PLSCR2: variants seen among roughly 807,000 people sequenced by gnomAD.
PLSCR2 encodes the protein PL scramblase 2.
In PLSCR2, 18 loss-of-function variants were observed where a neutral mutation model predicts 25.3. The ratio of observed to expected loss-of-function variants is 0.71; its 90% CI spans 0.49 to 1.06. The LOEUF (loss-of-function observed/expected upper bound fraction) is 1.06. Among genes scored for constraint, PLSCR2 ranks in the 50% least tolerant of loss-of-function variants. The pLI, the probability that PLSCR2 is intolerant of heterozygous loss-of-function variation, is 0.00. For synonymous variants in PLSCR2, 88 were observed against 87.3 expected (o/e 1.01, Z -0.04); for missense variants, 243 against 269.5 (o/e 0.90, Z 0.69).
chr3:146,458,560 A>G (rs2041357784), intron 2 of PLSCR2, 107 bp from the exon 3 acceptor site: 1 of 725,244 alleles, frequency 1.4e-6, no homozygotes, highest in African/African-American at 1.9e-5. Context: ...ATCGACATTT[A>G]TCAATATCAA....
At chr3:146,441,790 C>A (rs1159515855) in exon 7 of PLSCR2, 6 of 1,591,392 alleles carry the variant, frequency 3.8e-6, no homozygotes, top group South Asian at 1.1e-5. Context: ...ACATTCCAGT[C>A]ATTACCTAGT....
At chr3:146,415,978 T>C (rs1439275779) in intron 2 of PLSCR2, among the ~76,000 whole-genome samples, 2 of 152,062 alleles carry the variant, frequency 1.3e-5, no homozygotes, top group Admixed American at 1.3e-4. Context: ...TGAGACAGAG[T>C]CTAGCTCTGT....
At chr3:146,469,557 C>T in intron 1 of PLSCR2, 2 of 985,428 alleles carry the variant, frequency 2.0e-6, no homozygotes, top group Non-Finnish European at 2.4e-6. Flanking sequence ...GGCTTCCTCC[C>T]GTCTGCCCCG....
intron 2 of PLSCR2, among the ~76,000 whole-genome samples, chr3:146,399,486 T>C (rs1049282651): frequency 7.9e-5 from 12 of 151,900 alleles, no homozygotes; most frequent in Non-Finnish European, 4.4e-5. Context: ...ATGCTGTATT[T>C]ATGTAATACA....
downstream of PLSCR2, among the ~76,000 whole-genome samples, chr3:146,431,889 T>A (rs1479419077): frequency 5.3e-5 from 8 of 151,892 alleles, no homozygotes. Flanking sequence ...GACTTTATTA[T>A]CTTCTTTCCT....
chr3:146,403,050 C>T (rs1163675182), intron 2 of PLSCR2, among the ~76,000 whole-genome samples: 2 of 152,012 alleles, frequency 1.3e-5, no homozygotes, highest in Non-Finnish European at 2.9e-5. Context: ...ATAATTTATT[C>T]TTCCAGCCCT....
chr3:146,394,969 C>A (rs981741517), intron 3 of PLSCR2, among the ~76,000 whole-genome samples: 2 of 152,182 alleles, frequency 1.3e-5, no homozygotes, highest in African/African-American at 4.8e-5. Context: ...GGAAAAGGTG[C>A]CTGCTTCCCC....
At chr3:146,450,105 G>C (rs1217417397) in intron 5 of PLSCR2, among the ~76,000 whole-genome samples, 1 of 152,188 alleles carries the variant, frequency 6.6e-6, no homozygotes, top group Non-Finnish European at 1.5e-5. Flanking sequence ...TGAAAAGTGT[G>C]TGCTCAGACA....
intron 1 of PLSCR2, among the ~76,000 whole-genome samples, chr3:146,492,503 A>G (rs757890981): frequency 1.3e-5 from 2 of 152,186 alleles, no homozygotes; most frequent in Non-Finnish European, 2.9e-5. Flanking sequence ...GATATATCCA[A>G]ACCATACAAT....
intron 1 of PLSCR2, among the ~76,000 whole-genome samples, chr3:146,476,595 A>T (rs2042292742): frequency 6.6e-6 from 1 of 152,248 alleles, no homozygotes. Flanking sequence ...CCCTCACTGC[A>T]GCTGCTAGCT....
At chr3:146,406,886 G>A (rs747574599) in intron 2 of PLSCR2, among the ~76,000 whole-genome samples, 1 of 152,114 alleles carries the variant, frequency 6.6e-6, no homozygotes, top group African/African-American at 2.4e-5. Context: ...GGATTGGGAT[G>A]GGTTCCTCGA....
In PLSCR2 at chr3:146,460,131, T is replaced by C. The variant is rs766308420; in HGVS notation, c.-180+41A>G. 44 of 1,422,850 alleles carry C rather than the reference T, an allele frequency of 3.1e-5. No individual in the cohort carries two copies. In the Admixed American group the frequency reaches 1.0e-3, roughly 33 times the overall value. 88.1% of individuals were successfully genotyped at this position (1,422,850 alleles called of 1,614,324 possible). ...AATTTGTAGCTGCCCAGAAAAGTCA[T>C]CAATCCTTTTTAGAATAACCCCAGT... On this transcript the variant is annotated intron_variant, in intron 1 of 6. Coordinates refer to ENST00000610787, the Ensembl canonical transcript of PLSCR2.
intron 2 of PLSCR2, among the ~76,000 whole-genome samples, chr3:146,423,819 AGGT>A (rs1201807004): frequency 6.6e-6 from 1 of 152,078 alleles, no homozygotes; most frequent in East Asian, 1.9e-4. Flanking sequence ...CAAGAAACAG[AGGT>A]GGTCTCTAAA....
rs924598063 is a variant in PLSCR2, at chr3:146,469,365, G to T, written c.-292-9081C>A. On this transcript the variant is annotated intron_variant, in intron 1 of 8. Transcript: ENST00000336685. ...GAGTTTCCGTTCCACTTCAGGTGTC[G>T]CTTCCCGCGGCCCATTGGGCCCTTG... 6 of 960,302 alleles carry T rather than the reference G, an allele frequency of 6.2e-6. No homozygotes were observed. The African/African-American group carries it at 1.1e-4, about 17-fold the overall frequency. 59.5% of individuals were successfully genotyped at this position (960,302 alleles called of 1,614,324 possible).
At chr3:146,473,362 T>C (rs2042182000) in intron 1 of PLSCR2, among the ~76,000 whole-genome samples, 1 of 146,480 alleles carries the variant, frequency 6.8e-6, no homozygotes, top group South Asian at 2.2e-4. Flanking sequence ...TGGAGTGCAA[T>C]GGCACGATCT....
At chr3:146,444,648 G>A (rs2040440345) in intron 6 of PLSCR2, among the ~76,000 whole-genome samples, 1 of 151,768 alleles carries the variant, frequency 6.6e-6, no homozygotes, top group African/African-American at 2.4e-5. Flanking sequence ...TGTCTTTAGA[G>A]GTGAAGTGTG....
downstream of PLSCR2, among the ~76,000 whole-genome samples, chr3:146,438,913 C>T (rs140613258): frequency 0.042 from 6,362 of 152,012 alleles, 181 homozygotes; most frequent in Admixed American, 0.088. Flanking sequence ...TGGCTGGTAC[C>T]GGTTGTTCCT....
upstream of PLSCR2, among the ~76,000 whole-genome samples, chr3:146,462,399 G>T (rs1289928324): frequency 6.6e-6 from 1 of 151,806 alleles, no homozygotes; most frequent in African/African-American, 2.4e-5. Context: ...GCCTTGGTAG[G>T]AATTTAGAAA....
chr3:146,441,850 A>G, intron 6 of PLSCR2, 29 bp from the exon 7 acceptor site: 1 of 1,476,788 alleles, frequency 6.8e-7, no homozygotes, highest in Non-Finnish European at 9.4e-7. Flanking sequence ...ACAGAAATGA[A>G]TTCTCAGAAA....
Sources: allele counts gnomAD v4.1 joint callset (sites outside exome capture counted in the v4.1 genomes callset), GRCh38; gene constraint gnomAD v4.1.1; transcripts MANE v1.5; gene names NCBI Gene and HGNC (gene_info 2026-07-23, HGNC 2026-07-21).